Variants in CEP85 observed in about 807,000 individuals in gnomAD.
The protein encoded by CEP85 is centrosomal protein 85, also known as centrosomal protein of 85 kDa.
In CEP85, 58 loss-of-function variants were observed where a neutral mutation model predicts 93.7. That is an observed-to-expected ratio of 0.62 (90% CI 0.50 to 0.77). The LOEUF is 0.77. Ranked by LOEUF, CEP85 falls within the 30% of genes least tolerant of loss-of-function variation. The probability of loss-of-function intolerance (pLI) is 0.00; values close to 1 mark genes in which losing one functional copy is unlikely to be tolerated. For missense variants in CEP85, 868 were observed against 922.0 expected (o/e 0.94, Z 0.76); for synonymous variants, 314 against 338.6 (o/e 0.93, Z 0.80).
At chr1:26,261,744 T>TAA (rs1168948312) in intron 7 of CEP85, among the ~76,000 whole-genome samples, 46 of 118,620 alleles carry the variant, frequency 3.9e-4, no homozygotes, top group Non-Finnish European at 5.1e-4. Context: ...AAAAAAAATT[T>TAA]TTTTTTTCCC....
At chr1:26,239,393 C>T (rs777178561) in intron 1 of CEP85, among the ~76,000 whole-genome samples, 6 of 151,880 alleles carry the variant, frequency 4.0e-5, no homozygotes, top group Non-Finnish European at 8.8e-5. Context: ...GCTCAGTTGC[C>T]CAGGCTGGAG....
At chr1:26,275,400 C>T (rs879633414) in intron 12 of CEP85, among the ~76,000 whole-genome samples, 1 of 151,576 alleles carries the variant, frequency 6.6e-6, no homozygotes, top group Admixed American at 6.6e-5. Flanking sequence ...CCTGCCTCAG[C>T]CTCCTGTGTA....
rs1421370057 is a variant in CEP85, at chr1:26,258,083, G to A, written c.1038-60G>A. 1.4e-5 allele frequency: 15 copies of A among 1,100,876 alleles called. No individual in the cohort carries two copies. In the South Asian group the frequency reaches 1.9e-4, roughly 14 times the overall value. The allele number at this position is 1,100,876 out of a possible 1,614,324, so 68.2% of individuals were successfully genotyped here. The stretch of plus-strand genomic sequence containing the variant: ...ACGTAATAGGGATTGTACTTAGTAG[G>A]GGCTCATATTGTGAGGGGTTAGCAT... On this transcript the variant is annotated intron_variant, in intron 5 of 13. Transcript: ENST00000451429.
chr1:26,278,313 G>C lies in CEP85; in HGVS notation c.*1020G>C, dbSNP rs576817679. The stretch of plus-strand genomic sequence containing the variant: ...CCTGGGTTGTTTCTCTGGGGCTTTA[G>C]TGAGGGACCTTTGCCCTCTGGTTTT... On this transcript the variant is annotated 3_prime_UTR_variant, in exon 14 of 14. Coordinates refer to ENST00000451429, the MANE Select transcript of CEP85 (RefSeq NM_001319944.2). The C allele has an allele frequency of 6.5e-6, 1 of 152,806 alleles. No individual in the cohort carries two copies. Among genetic ancestry groups the C allele is most frequent in the South Asian group, 2.1e-4 (1 of 4,828 alleles). The allele number at this position is 152,806 out of a possible 1,614,324, so 9.5% of individuals were successfully genotyped here.
In CEP85 at chr1:26,242,032, G is replaced by A. The variant is rs141505411; in HGVS notation, c.56-2134G>A. ...CCACCCCCGCCTCCCAAAGTGCTAG[G>A]ATTACAGGCATGAGCCACTGCACCC... On this transcript the variant is annotated intron_variant, in intron 2 of 13. Coordinates refer to ENST00000451429, the MANE Select transcript of CEP85 (RefSeq NM_001319944.2). 6.6e-3 allele frequency among the ~76,000 whole-genome samples: 1,002 copies of A among 152,030 alleles called. 10 individuals carry two copies. The highest frequency in any genetic ancestry group is 0.02 in the African/African-American group (838 of 41,466).
At chr1:26,247,620 A>G (rs910690839) in intron 3 of CEP85, among the ~76,000 whole-genome samples, 2 of 151,984 alleles carry the variant, frequency 1.3e-5, no homozygotes, top group African/African-American at 4.8e-5. Flanking sequence ...GTTCCTAGAC[A>G]TCTAGCATTA....
chr1:26,258,196 A>G lies in CEP85; in HGVS notation c.1091A>G (p.Gln364Arg). Residue 364 changes from glutamine to arginine, a missense_variant, in exon 6 of 14, where the codon CAA becomes CGA. Transcript: ENST00000451429. ...CAGAAAGTGCGAGAGAGCGAACTGC[A>G]AGTCCACAGTGCCCTCTTGGGCCGC... Reference protein sequence around the residue: ...LEQKVRESELQVHSALLGRPA... With the variant: ...LEQKVRESELRVHSALLGRPA... 1 of 1,614,168 alleles carries G rather than the reference A, an allele frequency of 6.2e-7. No individual in the cohort carries two copies. Among genetic ancestry groups the G allele is most frequent in the Non-Finnish European group, 8.5e-7 (1 of 1,180,014 alleles).
chr1:26,262,510 C>G (rs183424199), intron 7 of CEP85, among the ~76,000 whole-genome samples: 1 of 150,936 alleles, frequency 6.6e-6, no homozygotes, highest in Non-Finnish European at 1.5e-5. Context: ...CAAAAAAAGG[C>G]GGGGGGCGGG....
intron 1 of CEP85, among the ~76,000 whole-genome samples, chr1:26,238,257 A>G (rs966934302): frequency 2.0e-4 from 24 of 119,594 alleles, no homozygotes; most frequent in African/African-American, 6.6e-4. Flanking sequence ...CTGGAGTGCA[A>G]TGGCGCGATC....
intron 10 of CEP85, chr1:26,271,702 A>C: frequency 2.9e-6 from 1 of 341,610 alleles, no homozygotes; most frequent in Non-Finnish European, 5.4e-6. Context: ...AAAGAACAAG[A>C]GTTTGCACTG....
At chr1:26,238,932 G>A (rs983014885) in intron 1 of CEP85, among the ~76,000 whole-genome samples, 5 of 152,178 alleles carry the variant, frequency 3.3e-5, no homozygotes, top group African/African-American at 1.2e-4. Flanking sequence ...CTACTTATGA[G>A]CAAGAATTCT....
At chr1:26,245,393 A>G (rs761394939) in intron 3 of CEP85, among the ~76,000 whole-genome samples, 6 of 151,978 alleles carry the variant, frequency 3.9e-5, no homozygotes, top group Non-Finnish European at 8.8e-5. Flanking sequence ...GGGCCCATGT[A>G]TGCGATGCCT....
chr1:26,253,186 T>C (rs1424938282), intron 3 of CEP85, among the ~76,000 whole-genome samples: 3 of 152,184 alleles, frequency 2.0e-5, no homozygotes, highest in Non-Finnish European at 4.4e-5. Context: ...AAACATGGGA[T>C]TGTAGATATC....
intron 7 of CEP85, chr1:26,263,262 G>C: frequency 5.9e-6 from 2 of 336,940 alleles, no homozygotes; most frequent in South Asian, 5.8e-5. Context: ...ATAAGGAAGT[G>C]CTCATTTGCC....
chr1:26,271,865 G>T (rs1570043565), intron 10 of CEP85, 156 bp from the exon 11 acceptor site: 2 of 658,528 alleles, frequency 3.0e-6, no homozygotes, highest in East Asian at 2.7e-5. Flanking sequence ...TAGGAGTCTG[G>T]TTTATATTCC....
At chr1:26,273,930 A>AAAT (rs761001842) in intron 11 of CEP85, among the ~76,000 whole-genome samples, 21,800 of 146,470 alleles carry the variant, frequency 0.15, 1,762 homozygotes, top group Middle Eastern at 0.17. Context: ...ATAAATAAAT[A>AAAT]AAATATATAT....
At chr1:26,258,619 T>C (rs2089757570) in intron 6 of CEP85, among the ~76,000 whole-genome samples, 1 of 151,984 alleles carries the variant, frequency 6.6e-6, no homozygotes. Flanking sequence ...CTTTTTTTTT[T>C]TTTCCCCTGC....
chr1:26,275,043 T>C lies in CEP85; in HGVS notation c.1874T>C (p.Leu625Pro). The C allele has an allele frequency of 6.3e-7, 1 of 1,581,056 alleles. No individual in the cohort carries two copies. Among genetic ancestry groups the C allele is most frequent in the Middle Eastern group, 1.7e-4 (1 of 6,020 alleles). ...GAGGCCCAGCGAAGGGATTCAGCCC[T>C]GCAGCAGCTGCGCACAGCCGTGAAG... is the stretch of plus-strand genomic sequence containing the variant. The part of the protein sequence containing the change: ...REEAQRRDSA[L>P]QQLRTAVKEL... The change falls in exon 12 of 14, where the codon CTG (leucine) becomes CCG (proline). Residue 625 changes from leucine (L) to proline (P), a missense_variant. Transcript: ENST00000451429.
intron 3 of CEP85, among the ~76,000 whole-genome samples, chr1:26,246,869 T>TA (rs1040717799): frequency 1.3e-5 from 2 of 151,836 alleles, no homozygotes; most frequent in East Asian, 1.9e-4. Context: ...TATATGAAGT[T>TA]AAAAAAAAGC....
Sources: allele counts gnomAD v4.1 joint callset (sites outside exome capture counted in the v4.1 genomes callset), GRCh38; gene constraint gnomAD v4.1.1; transcripts MANE v1.5; gene names NCBI Gene and HGNC (gene_info 2026-07-23, HGNC 2026-07-21).